Variants in GTF2H3 observed in about 807,000 individuals in gnomAD.
GTF2H3 encodes TFIIH basal transcription factor complex p34 subunit.
In GTF2H3, 42 loss-of-function variants were observed where a neutral mutation model predicts 51.1. The ratio of observed to expected loss-of-function variants is 0.82; its 90% confidence interval spans 0.64 to 1.06. GTF2H3 has a LOEUF of 1.06. Among genes scored for constraint, GTF2H3 ranks in the 50% least tolerant of loss-of-function variants. The pLI is 0.00. For missense variants in GTF2H3, 326 were observed against 366.1 expected (o/e 0.89, Z 0.89); for synonymous variants, 123 against 123.8 (o/e 0.99, Z 0.04).
chr12:123,639,492 C>T (rs547758520), intron 2 of GTF2H3, 149 bp downstream of exon 2: 551 of 538,642 alleles, frequency 1.0e-3, no homozygotes, highest in Non-Finnish European at 1.6e-3. Flanking sequence ...AGTAAATTTG[C>T]GAAGTTGTGT....
At position 123,655,698 on chromosome 12, in the gene GTF2H3, T is replaced by C. The variant is rs1267798280; in HGVS notation, c.562-73T>C. 3.7e-5 allele frequency: 32 copies of C among 856,112 alleles called. No homozygotes were observed. The East Asian group carries it at 7.3e-4, about 20-fold the overall frequency. The allele number at this position is 856,112 out of a possible 1,614,324, so 53.0% of individuals were successfully genotyped here. A position where few individuals can be genotyped will look rare whatever the true frequency, so the allele number is the denominator to read the frequency against. Reference sequence around the variant, plus strand: ...GCTATTTTAAGCATAGAGTATGGCATGTAGTAGGTTCTCAGTATAGGGTAA... The same window carrying C: ...GCTATTTTAAGCATAGAGTATGGCACGTAGTAGGTTCTCAGTATAGGGTAA... On this transcript the variant is annotated intron_variant, in intron 8 of 12. Coordinates refer to ENST00000543341, the MANE Select transcript of GTF2H3 (RefSeq NM_001516.5).
intron 1 of GTF2H3, 81 bp downstream of exon 1, chr12:123,633,953 CT>C: frequency 6.9e-7 from 1 of 1,443,316 alleles, no homozygotes; most frequent in Non-Finnish European, 9.7e-7. Context: ...TGGAATGTGT[CT>C]TTTGGGCTGG....
chr12:123,660,422 C>T lies in GTF2H3; in HGVS notation c.*187C>T. 2.0e-6 allele frequency: 1 copy of T among 511,784 alleles called. No individual in the cohort carries two copies. Among genetic ancestry groups the T allele is most frequent in the Admixed American group, 3.5e-5 (1 of 28,492 alleles). The allele number at this position is 511,784 out of a possible 1,614,324, so 31.7% of individuals were successfully genotyped here. ...GGAGGACTGATTTGTTTGAGGGAAT[C>T]ATTCTATGCATTATATCCTAAAATA... On this transcript the variant is annotated 3_prime_UTR_variant, in exon 13 of 13. Coordinates refer to ENST00000543341, the MANE Select transcript of GTF2H3 (RefSeq NM_001516.5).
At chr12:123,652,909 C>T (rs911703962) in intron 7 of GTF2H3, among the ~76,000 whole-genome samples, 174 bp downstream of exon 7, 1 of 152,046 alleles carries the variant, frequency 6.6e-6, no homozygotes, top group African/African-American at 2.4e-5. Flanking sequence ...GAAACCCCGT[C>T]TCTACTCAAA....
chr12:123,645,430 T>C, intron 2 of GTF2H3, 25 bp from the exon 3 acceptor site: 2 of 1,270,846 alleles, frequency 1.6e-6, no homozygotes, highest in Non-Finnish European at 2.3e-6. Context: ...AATTTGTTTT[T>C]CTAATGTCTT....
At chr12:123,645,250 T>A (rs1593800594) in intron 2 of GTF2H3, among the ~76,000 whole-genome samples, 1 of 152,036 alleles carries the variant, frequency 6.6e-6, no homozygotes, top group Non-Finnish European at 1.5e-5. Context: ...TTGTTTTTTT[T>A]ATAGAGCTAA....
At position 123,647,979 on chromosome 12, in the gene GTF2H3, G is replaced by A. The variant is rs1367965133; in HGVS notation, c.217G>A (p.Gly73Arg). The A allele has an allele frequency of 5.6e-6, 9 of 1,613,248 alleles. No individual in the cohort carries two copies. The highest frequency in any genetic ancestry group is 6.8e-6 in the Non-Finnish European group (8 of 1,179,712). The change falls in exon 4 of 13, where the codon GGA becomes AGA. Residue 73 changes from glycine to arginine, a missense_variant. By Grantham distance (125) the Gly-to-Arg change is moderately radical. Coordinates refer to ENST00000543341, the MANE Select transcript of GTF2H3 (RefSeq NM_001516.5). ...HIQESRFLYPGKNGRLGDFFG... is the reference protein window; with the variant it reads ...HIQESRFLYPRKNGRLGDFFG... ...CTGTTTCAGCCGATTCTTATATCCTGGAAAGAATGGCAGACTTGGAGACTT... is the reference window on the plus strand; with the variant it reads ...CTGTTTCAGCCGATTCTTATATCCTAGAAAGAATGGCAGACTTGGAGACTT...
chr12:123,649,425 C>G (rs1368406791), intron 4 of GTF2H3: 4 of 152,278 alleles, frequency 2.6e-5, no homozygotes, highest in Admixed American at 2.0e-4. Flanking sequence ...TTGTGACAAC[C>G]AGATATGTCT....
chr12:123,639,391 G>GTT (rs776292077), intron 2 of GTF2H3, 48 bp downstream of exon 2: 4 of 886,380 alleles, frequency 4.5e-6, no homozygotes, highest in Non-Finnish European at 5.6e-6. Flanking sequence ...TTAACTGAGT[G>GTT]TTTATATTGC....
At chr12:123,649,960 A>G (rs1566229839) in intron 4 of GTF2H3, 1 of 152,218 alleles carries the variant, frequency 6.6e-6, no homozygotes, top group Non-Finnish European at 1.5e-5. Flanking sequence ...GGCCCCACTC[A>G]GTTTCTGATT....
At chr12:123,635,349 T>A (rs568357669) in intron 1 of GTF2H3, among the ~76,000 whole-genome samples, 1 of 152,158 alleles carries the variant, frequency 6.6e-6, no homozygotes, top group Non-Finnish European at 1.5e-5. Context: ...GGTGGGTGGA[T>A]CACTTGAGGT....
intron 3 of GTF2H3, among the ~76,000 whole-genome samples, chr12:123,647,332 C>G (rs1004730509): frequency 6.6e-6 from 1 of 151,576 alleles, no homozygotes; most frequent in African/African-American, 2.4e-5. Context: ...ATTAGCTGGA[C>G]GTGGTGGTAC....
chr12:123,641,261 C>G (rs1471517173), intron 2 of GTF2H3, among the ~76,000 whole-genome samples: 1 of 150,800 alleles, frequency 6.6e-6, no homozygotes, highest in Non-Finnish European at 1.5e-5. Flanking sequence ...GAGTTTCGCT[C>G]TGTCACCCAG....
chr12:123,659,447 T>C, intron 9 of GTF2H3, 69 bp from the exon 10 acceptor site: 2 of 1,238,104 alleles, frequency 1.6e-6, no homozygotes, highest in East Asian at 2.3e-5. Flanking sequence ...GCATTGCTCA[T>C]GAGAACCTCA....
At chr12:123,659,958 T>C (rs538182593) in intron 11 of GTF2H3, 28 bp downstream of exon 11, 1 of 1,607,614 alleles carries the variant, frequency 6.2e-7, no homozygotes, top group South Asian at 1.1e-5. Flanking sequence ...GTTTTTCTTT[T>C]TTTTCTATGT....
In GTF2H3 at chr12:123,655,884, A is replaced by G. The variant is rs184841046; in HGVS notation, c.615+60A>G. 2.0e-4 allele frequency: 201 copies of G among 1,024,264 alleles called. 1 individual carries two copies. Among genetic ancestry groups the G allele is most frequent in the Middle Eastern group, 1.1e-3 (5 of 4,398 alleles). The allele number at this position is 1,024,264 out of a possible 1,614,324, so 63.4% of individuals were successfully genotyped here. ...ATGACAATTAGTGATTTTTATATTG[A>G]TTACAATTTAAAATGAAAGCTTTGG... On this transcript the variant is annotated intron_variant, in intron 9 of 12. Transcript: ENST00000543341.
At position 123,662,234 on chromosome 12, in the gene GTF2H3, G is replaced by T. The variant is rs1955667461; in HGVS notation, c.*1999G>T. ...TTAATTTTCTCTTTATACAAGCTGA[G>T]TCATATTTAAATAATTTGATGTTGG... is the stretch of plus-strand genomic sequence containing the variant. On this transcript the variant is annotated 3_prime_UTR_variant, in exon 13 of 13. Transcript: ENST00000543341. 6.6e-6 allele frequency: 1 copy of T among 151,650 alleles called. No homozygotes were observed. Among genetic ancestry groups the T allele is most frequent in the Admixed American group, 6.6e-5 (1 of 15,234 alleles). The allele number at this position is 151,650 out of a possible 1,614,324, so 9.4% of individuals were successfully genotyped here.
intron 2 of GTF2H3, 142 bp from the exon 3 acceptor site, chr12:123,645,313 T>C (rs772920716): frequency 5.5e-5 from 33 of 602,418 alleles, no homozygotes; most frequent in Non-Finnish European, 8.9e-5. Context: ...CAAGCAGTCC[T>C]CCCACCTTGG....
chr12:123,634,991 T>C (rs1955256241), intron 1 of GTF2H3, among the ~76,000 whole-genome samples: 1 of 152,168 alleles, frequency 6.6e-6, no homozygotes, highest in Non-Finnish European at 1.5e-5. Flanking sequence ...AGAATAGAGA[T>C]AGGGGAGTCC....
Sources: allele counts gnomAD v4.1 joint callset (sites outside exome capture counted in the v4.1 genomes callset), GRCh38; gene constraint gnomAD v4.1.1; transcripts MANE v1.5; gene names NCBI Gene and HGNC (gene_info 2026-07-23, HGNC 2026-07-21).